The following EXOC4 variants were observed in gnomAD, a reference collection of about 807,000 sequenced individuals.
EXOC4 encodes exocyst complex component 4.
A neutral mutation model predicts 107.2 loss-of-function variants in EXOC4; 71 were observed. The ratio of observed to expected loss-of-function variants is 0.66; its 90% CI spans 0.55 to 0.81. The LOEUF is 0.81. EXOC4 is among the 30% of genes least tolerant of loss of function. EXOC4 has a pLI of 0.00. For synonymous variants in EXOC4, 456 were observed against 441.2 expected (o/e 1.03, Z -0.42); for missense variants, 1,108 against 1,189.6 (o/e 0.93, Z 1.01).
chr7:133,319,030 A>C (rs1324203042), intron 5 of EXOC4, among the ~76,000 whole-genome samples: 1 of 152,026 alleles, frequency 6.6e-6, no homozygotes, highest in Non-Finnish European at 1.5e-5. Context: ...TTTGATATGT[A>C]TTTTATCTCT....
chr7:133,679,588 G>A (rs1214249151), intron 10 of EXOC4, among the ~76,000 whole-genome samples: 1 of 118,490 alleles, frequency 8.4e-6, no homozygotes, highest in African/African-American at 3.5e-5. Flanking sequence ...ATCCATGAAT[G>A]ATTGCTGCTC....
At chr7:133,283,700 A>G (rs990408073) in intron 2 of EXOC4, among the ~76,000 whole-genome samples, 12 of 152,190 alleles carry the variant, frequency 7.9e-5, no homozygotes, top group Non-Finnish European at 1.5e-4. Context: ...GCAAAGGTAT[A>G]TATCACTGAA....
chr7:133,784,058 A>T (rs534585889), intron 10 of EXOC4, among the ~76,000 whole-genome samples: 2 of 152,314 alleles, frequency 1.3e-5, no homozygotes, highest in South Asian at 2.1e-4. Flanking sequence ...TCCATTTTCA[A>T]TGATAATATT....
At chr7:133,490,622 A>G (rs1027506407) in intron 9 of EXOC4, among the ~76,000 whole-genome samples, 1 of 152,190 alleles carries the variant, frequency 6.6e-6, no homozygotes, top group African/African-American at 2.4e-5. Context: ...GTTTATATAT[A>G]CAGATTTTTA....
intron 11 of EXOC4, among the ~76,000 whole-genome samples, chr7:133,841,730 A>G (rs942731523): frequency 3.9e-5 from 6 of 152,168 alleles, no homozygotes; most frequent in African/African-American, 1.4e-4. Flanking sequence ...TGCATGTTGC[A>G]GGGGTTTGAT....
At position 133,253,079 on chromosome 7, in the gene EXOC4, T is replaced by C. The variant is rs1327954053; in HGVS notation, c.-23T>C. ...ACGCACCCTTGGCTTCCTTGGAGCCTAGCGGCTCTCCCCGCGTCCAAGATG... is the reference window on the plus strand; with the variant it reads ...ACGCACCCTTGGCTTCCTTGGAGCCCAGCGGCTCTCCCCGCGTCCAAGATG... On this transcript the variant is annotated 5_prime_UTR_variant, in exon 1 of 18. Coordinates refer to ENST00000253861, the MANE Select transcript of EXOC4 (RefSeq NM_021807.4). 5 of 1,611,930 alleles carry C rather than the reference T, an allele frequency of 3.1e-6. No homozygotes were observed. In the Admixed American group the frequency reaches 6.7e-5, roughly 21 times the overall value.
intron 5 of EXOC4, among the ~76,000 whole-genome samples, chr7:133,331,568 C>T (rs1022232288): frequency 1.4e-5 from 2 of 146,302 alleles, no homozygotes; most frequent in South Asian, 2.1e-4. Flanking sequence ...GGGGTTCATG[C>T]CATTCTCCTG....
intron 13 of EXOC4, among the ~76,000 whole-genome samples, chr7:133,922,827 C>T (rs971124453): frequency 4.7e-5 from 7 of 149,408 alleles, no homozygotes; most frequent in Non-Finnish European, 7.4e-5. Flanking sequence ...CAAGCCTGGG[C>T]GACAGAGCGA....
intron 7 of EXOC4, among the ~76,000 whole-genome samples, chr7:133,436,657 T>C (rs1797982841): frequency 6.6e-6 from 1 of 152,184 alleles, no homozygotes; most frequent in Middle Eastern, 3.2e-3. Flanking sequence ...TTAAGTATCA[T>C]CACATACCCT....
At chr7:133,991,537 T>G (rs1410930723) in intron 14 of EXOC4, among the ~76,000 whole-genome samples, 1 of 152,228 alleles carries the variant, frequency 6.6e-6, no homozygotes. Context: ...ATCAATGTCC[T>G]GTAGCATTTC....
At chr7:133,682,320 A>G (rs1237153398) in intron 10 of EXOC4, among the ~76,000 whole-genome samples, 1 of 152,172 alleles carries the variant, frequency 6.6e-6, no homozygotes, top group Non-Finnish European at 1.5e-5. Context: ...TTGGTATGAA[A>G]TTCTTCACCC....
intron 10 of EXOC4, among the ~76,000 whole-genome samples, chr7:133,690,090 A>G (rs569517452): frequency 1.3e-5 from 2 of 152,290 alleles, no homozygotes; most frequent in African/African-American, 4.8e-5. Context: ...TTTGGCTATC[A>G]TCTCTCTCCT....
intron 14 of EXOC4, among the ~76,000 whole-genome samples, chr7:133,943,348 A>C (rs568332955): frequency 6.6e-6 from 1 of 152,306 alleles, no homozygotes; most frequent in Non-Finnish European, 1.5e-5. Flanking sequence ...TTGGCTCTGC[A>C]TTATCAAAAT....
At chr7:133,542,950 A>G (rs966722446) in intron 9 of EXOC4, among the ~76,000 whole-genome samples, 7 of 152,152 alleles carry the variant, frequency 4.6e-5, no homozygotes, top group African/African-American at 1.4e-4. Context: ...TGTTTAGACT[A>G]GAAATATGCT....
chr7:133,883,088 C>T (rs1194437139), intron 11 of EXOC4, among the ~76,000 whole-genome samples: 1 of 152,136 alleles, frequency 6.6e-6, no homozygotes, highest in Non-Finnish European at 1.5e-5. Context: ...ATTCTGACTT[C>T]TATCACCAGA....
At chr7:133,723,983 G>T (rs1795161886) in intron 10 of EXOC4, among the ~76,000 whole-genome samples, 1 of 151,954 alleles carries the variant, frequency 6.6e-6, no homozygotes, top group African/African-American at 2.4e-5. Context: ...GACTTATTTA[G>T]AATTAAAAGC....
intron 1 of EXOC4, among the ~76,000 whole-genome samples, chr7:133,254,604 T>C (rs945740168): frequency 2.0e-5 from 3 of 152,246 alleles, no homozygotes; most frequent in Admixed American, 2.0e-4. Flanking sequence ...GTATGGCGTC[T>C]GGCACGTATT....
intron 11 of EXOC4, among the ~76,000 whole-genome samples, chr7:133,890,547 A>G (rs1276790799): frequency 1.4e-5 from 2 of 141,842 alleles, no homozygotes; most frequent in East Asian, 2.0e-4. Context: ...TAGGGTTTTT[A>G]TGGTTTTAGG....
At chr7:133,866,213 G>A (rs539550755) in intron 11 of EXOC4, among the ~76,000 whole-genome samples, 35 of 152,092 alleles carry the variant, frequency 2.3e-4, no homozygotes, top group African/African-American at 8.4e-4. Flanking sequence ...TGAGATTAAG[G>A]GAAATCGAGC....
Sources: gnomAD v4.1 joint callset for allele counts (sites outside exome capture counted in the v4.1 genomes callset) on GRCh38, gnomAD v4.1.1 for gene constraint, MANE v1.5 for transcripts, NCBI Gene and HGNC (gene_info 2026-07-23, HGNC 2026-07-21) for gene names.